The following PISD variants were observed in gnomAD, a reference collection of about 807,000 sequenced individuals.
PISD encodes phosphatidylserine decarboxylase.
PISD carries 31 observed loss-of-function variants against 43.5 expected under a neutral mutation model. That is an observed-to-expected ratio of 0.71 (90% CI 0.54 to 0.96). PISD has a LOEUF of 0.96. Ranked by LOEUF, PISD falls within the 40% of genes least tolerant of loss-of-function variation. The pLI is 0.00. For synonymous variants in PISD, 259 were observed against 228.7 expected, an observed-to-expected ratio of 1.13 and a Z score of -1.20; for missense variants, 523 against 548.4, an observed-to-expected ratio of 0.95 and a Z score of 0.46.
chr22:31,637,159 AAAAAAATATATATATATATATAT>A (rs1294788596), intron 3 of PISD, among the ~76,000 whole-genome samples: 933 of 27,708 alleles, frequency 0.034, 45 homozygotes, highest in African/African-American at 0.037. Flanking sequence ...AAAAAAAAAA[AAAAAAATATATATATATATATAT>A]ATATATATAT....
chr22:31,645,928 TCA>T (rs1305275631), intron 3 of PISD, among the ~76,000 whole-genome samples: 2 of 148,824 alleles, frequency 1.3e-5, no homozygotes, highest in African/African-American at 4.9e-5. Context: ...CAGACTTGGG[TCA>T]CATCCCCAAG....
intron 2 of PISD, 114 bp from the exon 3 acceptor site, chr22:31,648,390 A>G: frequency 2.4e-6 from 2 of 826,012 alleles, no homozygotes; most frequent in Non-Finnish European, 3.9e-6. Flanking sequence ...AGAAGCCCTC[A>G]GTAGGGGACC....
chr22:31,621,511 G>T, intron 4 of PISD, 39 bp from the exon 5 acceptor site: 1 of 1,612,736 alleles, frequency 6.2e-7, no homozygotes. Context: ...GGGAGAGCAG[G>T]GTCTCCTCCC....
At chr22:31,653,501 G>C (rs1245437229) in intron 1 of PISD, among the ~76,000 whole-genome samples, 2 of 152,158 alleles carry the variant, frequency 1.3e-5, no homozygotes, top group Non-Finnish European at 2.9e-5. Context: ...TGGACACAGG[G>C]CACTCAGGTG....
rs752608085 is a variant in PISD, at chr22:31,625,768, C to T, written c.322-3883G>A. The T allele has an allele frequency of 2.0e-5, 32 of 1,589,602 alleles. 1 individual carries two copies. The South Asian group carries it at 2.2e-4, about 11-fold the overall frequency. ...CGCGGTGGGCAGCATCTCACCATTT[C>T]GCCGCGCGGAGCTCTGGTCCTTGCC... On this transcript the variant is annotated intron_variant, in intron 3 of 7. Coordinates refer to ENST00000439502, the MANE Select transcript of PISD (RefSeq NM_001326411.2).
intron 3 of PISD, chr22:31,629,327 CGAGGATGTGTGGGGTGTGTAGGTGT>C: frequency 1.8e-5 from 10 of 561,866 alleles, no homozygotes; most frequent in Non-Finnish European, 2.3e-5. Flanking sequence ...TGTATAGGTG[CGAGGATGTGTGGGGTGTGTAGGTGT>C]GAGGGTGTGT....
At chr22:31,637,165 ATATATATATATATATATATATATATATAT>A (rs2073517746) in intron 3 of PISD, among the ~76,000 whole-genome samples, 3 of 13,414 alleles carry the variant, frequency 2.2e-4, no homozygotes, top group African/African-American at 1.5e-3. Context: ...AAAAAAAAAA[ATATATATATATATATATATATATATATAT>A]ATATATATAT....
At chr22:31,625,740 G>T in intron 3 of PISD, 1 of 1,569,078 alleles carries the variant, frequency 6.4e-7, no homozygotes. Flanking sequence ...CGTGGGGTTA[G>T]GGCGCGGTGG....
chr22:31,644,772 G>A (rs1014231827), intron 3 of PISD, among the ~76,000 whole-genome samples: 13 of 152,154 alleles, frequency 8.5e-5, no homozygotes, highest in African/African-American at 3.1e-4. Flanking sequence ...TTTGAGTGCT[G>A]ACATGACACC....
rs749834707 is a variant in PISD at position 31,619,746 on chromosome 22, G to A, written c.1096C>T (p.Arg366Cys). The A allele has an allele frequency of 1.8e-5, 29 of 1,613,994 alleles. No homozygotes were observed. The highest frequency in any genetic ancestry group is 1.6e-4 in the Middle Eastern group (1 of 6,084). ...THTNREGVPMRKGEHLGEFNL... is the reference protein window; with the variant it reads ...THTNREGVPMCKGEHLGEFNL... The stretch of plus-strand genomic sequence containing the variant: ...AACTCGCCCAGGTGCTCGCCCTTAC[G>A]CATGGGGACGCCCTCTCTATTGGTG... Residue 366 changes from arginine to cysteine, a missense_variant, in exon 8 of 8, where the codon CGT becomes TGT. Coordinates refer to ENST00000439502, the MANE Select transcript of PISD (RefSeq NM_001326411.2).
chr22:31,627,212 G>A (rs927249767), intron 3 of PISD, among the ~76,000 whole-genome samples: 5 of 152,214 alleles, frequency 3.3e-5, no homozygotes, highest in South Asian at 2.1e-4. Context: ...GCTGGTCCAG[G>A]CCCCTCTCCT....
chr22:31,619,389 C>T lies in PISD; in HGVS notation c.*223G>A. 1 of 630,762 alleles carries T rather than the reference C, an allele frequency of 1.6e-6. No homozygotes were observed. The highest frequency in any genetic ancestry group is 2.2e-5 in the Admixed American group (1 of 45,502). 39.1% of individuals were successfully genotyped at this position (630,762 alleles called of 1,614,324 possible). The stretch of plus-strand genomic sequence containing the variant: ...CCAGCCTGCACTTTTTATTTGTAGG[C>T]AGAAGGAACGGGATAGGTTGAGGGG... On this transcript the variant is annotated 3_prime_UTR_variant, in exon 8 of 8. Transcript: ENST00000439502.
In PISD at chr22:31,620,691, A is replaced by G. The variant is rs554094560; in HGVS notation, c.867T>C (p.Pro289=). 9 of 1,614,206 alleles carry G rather than the reference A, an allele frequency of 5.6e-6. No homozygotes were observed. The South Asian group carries it at 7.7e-5, about 14-fold the overall frequency. ...HFPGSLMSVN[P]GMARWIKELF... The stretch of plus-strand genomic sequence containing the variant: ...GCTCTTTGATCCAGCGAGCCATGCC[A>G]GGGTTCACTGACATCAGGGAGCCTG... The change falls in exon 7 of 8, where the codon CCT becomes CCC. Residue 289 remains proline, a synonymous_variant. Transcript: ENST00000439502.
intron 2 of PISD, among the ~76,000 whole-genome samples, chr22:31,650,144 A>G (rs774245841): frequency 3.1e-4 from 47 of 152,166 alleles, no homozygotes; most frequent in Non-Finnish European, 1.8e-4. Flanking sequence ...CAAAACCACA[A>G]TGAGACCCCT....
At position 31,630,053 on chromosome 22, in the gene PISD, G is replaced by A. The variant is rs539210459; in HGVS notation, c.322-8168C>T. 6.6e-6 allele frequency: 1 copy of A among 152,278 alleles called. No individual in the cohort carries two copies. The highest frequency in any genetic ancestry group is 2.4e-5 in the African/African-American group (1 of 41,476). The allele number at this position is 152,278 out of a possible 1,614,324, so 9.4% of individuals were successfully genotyped here. On this transcript the variant is annotated intron_variant, in intron 3 of 7. Transcript: ENST00000439502. The surrounding 1 kb of genome is among the most constrained non-coding windows in gnomAD (Gnocchi z 4.4). Reference sequence around the variant, plus strand: ...GCTGAGGCCTGGCCACCATGCAGCGGCGTGCGTCTAGTGGGGCGACAACCC... The same window carrying A: ...GCTGAGGCCTGGCCACCATGCAGCGACGTGCGTCTAGTGGGGCGACAACCC...
chr22:31,620,731 G>A lies in PISD; in HGVS notation c.845-18C>T, dbSNP rs1180078962. ...CAGGGAGCCTGCAGAGGCAGGGAATGCCGCTACTCCCCGTCCAGAGCCCGG... is the reference window on the plus strand; with the variant it reads ...CAGGGAGCCTGCAGAGGCAGGGAATACCGCTACTCCCCGTCCAGAGCCCGG... On this transcript the variant is annotated intron_variant, in intron 6 of 7. Coordinates refer to ENST00000439502, the MANE Select transcript of PISD (RefSeq NM_001326411.2). 1.2e-6 allele frequency: 2 copies of A among 1,613,792 alleles called. No homozygotes were observed. Among genetic ancestry groups the A allele is most frequent in the South Asian group, 1.1e-5 (1 of 91,068 alleles).
chr22:31,645,567 G>A (rs1204612509), intron 3 of PISD, among the ~76,000 whole-genome samples: 2 of 144,118 alleles, frequency 1.4e-5, no homozygotes, highest in Non-Finnish European at 3.1e-5. Context: ...TAGTAGAGGC[G>A]GGGTTTCACC....
intron 3 of PISD, chr22:31,626,392 G>A (rs60783010): frequency 0.011 from 1,658 of 153,132 alleles, 36 homozygotes; most frequent in African/African-American, 0.038. Flanking sequence ...CCCTTGCCAG[G>A]ACCTGACCCA....
chr22:31,624,471 A>T (rs1005445928), intron 3 of PISD, among the ~76,000 whole-genome samples: 2 of 152,106 alleles, frequency 1.3e-5, no homozygotes, highest in Non-Finnish European at 2.9e-5. Context: ...CCAAGGCCAG[A>T]CAAGATCTCA....
Sources: gnomAD v4.1 joint callset for allele counts (sites outside exome capture counted in the v4.1 genomes callset) on GRCh38, gnomAD v4.1.1 for gene constraint, Gnocchi (gnomAD v3.1) non-coding constraint, MANE v1.5 for transcripts, NCBI Gene and HGNC (gene_info 2026-07-23, HGNC 2026-07-21) for gene names.